The following SLCO2B1 variants were observed in gnomAD, a reference collection of about 807,000 sequenced individuals.
SLCO2B1 encodes OATP-RP2.
Under a neutral mutation model 67.3 loss-of-function variants are expected in SLCO2B1, and 41 were observed. The observed-to-expected ratio is 0.61, with a 90% CI of 0.47 to 0.79. SLCO2B1 has a LOEUF of 0.79. Among genes scored for constraint, SLCO2B1 ranks in the 30% least tolerant of loss-of-function variants. The pLI, the probability that SLCO2B1 is intolerant of heterozygous loss-of-function variation, is 0.00. For synonymous variants in SLCO2B1, 379 were observed against 381.4 expected, an observed-to-expected ratio of 0.99 and a Z score of 0.07; for missense variants, 837 against 920.1, an observed-to-expected ratio of 0.91 and a Z score of 1.17.
At chr11:75,182,840 C>A (rs1332512955) in intron 7 of SLCO2B1, among the ~76,000 whole-genome samples, 1 of 152,138 alleles carries the variant, frequency 6.6e-6, no homozygotes, top group Non-Finnish European at 1.5e-5. Flanking sequence ...GGAACCCAAG[C>A]AAGGAACTCA....
chr11:75,199,646 C>T (rs1945152714), intron 10 of SLCO2B1: 1 of 152,504 alleles, frequency 6.6e-6, no homozygotes, highest in African/African-American at 2.4e-5. Context: ...GGACTAATCC[C>T]TGCACACCTG....
At chr11:75,204,293 T>G (rs1945235918) in intron 13 of SLCO2B1, 107 bp from the exon 14 acceptor site, 3 of 1,171,786 alleles carry the variant, frequency 2.6e-6, no homozygotes, top group Non-Finnish European at 3.6e-6. Flanking sequence ...GAGGTCAATG[T>G]CTCCCTGAGG....
chr11:75,156,342 C>T (rs1440192246), intron 1 of SLCO2B1, among the ~76,000 whole-genome samples: 4 of 151,992 alleles, frequency 2.6e-5, no homozygotes, highest in Admixed American at 1.3e-4. Context: ...AGAGAGTGAC[C>T]GGCAGAAATT....
chr11:75,203,819 A>C (rs112293732), intron 13 of SLCO2B1: 11 of 191,276 alleles, frequency 5.8e-5, no homozygotes, highest in African/African-American at 2.1e-4. Context: ...TGTCTCCCTC[A>C]TCATGGGACT....
chr11:75,169,495 A>G (rs1158535463), intron 5 of SLCO2B1, 89 bp downstream of exon 5: 1 of 1,321,656 alleles, frequency 7.6e-7, no homozygotes, highest in East Asian at 2.4e-5. Context: ...CTGGAGATGG[A>G]ATCCCTGCCC....
intron 11 of SLCO2B1, chr11:75,201,536 A>G (rs1413557983): frequency 6.6e-6 from 1 of 152,064 alleles, no homozygotes; most frequent in African/African-American, 2.4e-5. Flanking sequence ...CTTTCCCTCC[A>G]CTTCCCATGC....
intron 7 of SLCO2B1, among the ~76,000 whole-genome samples, chr11:75,178,904 G>T (rs1950059136): frequency 6.6e-6 from 1 of 152,162 alleles, no homozygotes. Context: ...CACTTAACAT[G>T]ATGTCCTTAG....
intron 11 of SLCO2B1, chr11:75,202,622 G>T: frequency 2.2e-6 from 1 of 459,598 alleles, no homozygotes; most frequent in Non-Finnish European, 3.9e-6. Context: ...ACCAGTGGGT[G>T]GAGGAAGAGG....
chr11:75,190,643 G>A (rs896584219), intron 8 of SLCO2B1, among the ~76,000 whole-genome samples: 7 of 152,214 alleles, frequency 4.6e-5, no homozygotes, highest in Non-Finnish European at 8.8e-5. Context: ...TGATAAGGGA[G>A]ACGTAGTCCT....
intron 13 of SLCO2B1, 23 bp downstream of exon 13, chr11:75,203,450 G>A (rs1945218260): frequency 6.2e-7 from 1 of 1,613,706 alleles, no homozygotes; most frequent in Non-Finnish European, 8.5e-7. Flanking sequence ...TTGATGGCTT[G>A]TGGGAAGGGT....
chr11:75,191,714 C>T (rs533498391), intron 8 of SLCO2B1, among the ~76,000 whole-genome samples: 1 of 152,306 alleles, frequency 6.6e-6, no homozygotes, highest in South Asian at 2.1e-4. Context: ...CCAGCCCAGC[C>T]GGGCAAGTGT....
intron 7 of SLCO2B1, among the ~76,000 whole-genome samples, chr11:75,187,353 G>C (rs997888431): frequency 6.6e-6 from 1 of 152,300 alleles, no homozygotes; most frequent in African/African-American, 2.4e-5. Flanking sequence ...CCAGGTGGAG[G>C]GACATACTCC....
chr11:75,199,014 G>A (rs1335603292), intron 10 of SLCO2B1, among the ~76,000 whole-genome samples: 2 of 152,158 alleles, frequency 1.3e-5, no homozygotes, highest in South Asian at 2.1e-4. Flanking sequence ...CAGCCTTTGC[G>A]TTCATCCTGG....
rs982766532 is a variant in SLCO2B1, at chr11:75,162,636, C to G, written c.17-19C>G. On this transcript the variant is annotated intron_variant, in intron 1 of 13. Transcript: ENST00000289575. The stretch of plus-strand genomic sequence containing the variant: ...CGGGGATTCTATCTATTCTCTTTCC[C>G]TGGTTTTCTGTCCCTCAGGGCCAGC... The G allele has an allele frequency of 1.1e-5, 17 of 1,608,550 alleles. No individual in the cohort carries two copies. The Admixed American group carries it at 1.4e-4, about 13-fold the overall frequency.
chr11:75,156,717 A>T (rs1949751534), intron 1 of SLCO2B1, among the ~76,000 whole-genome samples: 1 of 152,240 alleles, frequency 6.6e-6, no homozygotes, highest in Non-Finnish European at 1.5e-5. Flanking sequence ...GCTACTCCAT[A>T]GGCAGAGCAG....
intron 7 of SLCO2B1, 77 bp from the exon 8 acceptor site, chr11:75,188,058 TC>T: frequency 3.2e-6 from 3 of 940,474 alleles, no homozygotes; most frequent in South Asian, 1.4e-5. Flanking sequence ...CCAAGACCTC[TC>T]CTCCCCAGCC....
At chr11:75,157,433 T>G (rs1411405807) in intron 1 of SLCO2B1, among the ~76,000 whole-genome samples, 1 of 152,194 alleles carries the variant, frequency 6.6e-6, no homozygotes, top group Non-Finnish European at 1.5e-5. Flanking sequence ...GATTACAGTC[T>G]CTGCATGGTA....
At chr11:75,184,436 C>T (rs920616324) in intron 7 of SLCO2B1, among the ~76,000 whole-genome samples, 1 of 152,176 alleles carries the variant, frequency 6.6e-6, no homozygotes, top group African/African-American at 2.4e-5. Flanking sequence ...CCTATCCTGC[C>T]AGATCATCAA....
At chr11:75,187,885 A>G (rs1944960076) in intron 7 of SLCO2B1, among the ~76,000 whole-genome samples, 1 of 152,214 alleles carries the variant, frequency 6.6e-6, no homozygotes, top group African/African-American at 2.4e-5. Flanking sequence ...AGTGGTCATG[A>G]CAACTAACCC....
Sources: gnomAD v4.1 joint callset for allele counts (sites outside exome capture counted in the v4.1 genomes callset) on GRCh38, gnomAD v4.1.1 for gene constraint, MANE v1.5 for transcripts, NCBI Gene and HGNC (gene_info 2026-07-23, HGNC 2026-07-21) for gene names.